Variants in PCDHA6 observed in about 807,000 individuals in gnomAD.
PCDHA6 encodes protocadherin alpha 6, also known as protocadherin alpha-6.
A neutral mutation model predicts 60.3 loss-of-function variants in PCDHA6; 55 were observed. The ratio of observed to expected loss-of-function variants is 0.91; its 90% confidence interval spans 0.73 to 1.14. The LOEUF is 1.14. Ranked by LOEUF, PCDHA6 falls within the 50% of genes most tolerant of loss-of-function variation. PCDHA6 has a pLI of 0.00. For synonymous variants in PCDHA6, 652 were observed against 557.9 expected, an observed-to-expected ratio of 1.17 and a Z score of -2.38; for missense variants, 1,327 against 1,256.5, an observed-to-expected ratio of 1.06 and a Z score of -0.85.
chr5:140,868,908 C>A, intron 1 of PCDHA6: 1 of 882,186 alleles, frequency 1.1e-6, no homozygotes, highest in Non-Finnish European at 1.7e-6. Context: ...TCGCTCTTTA[C>A]TTGGTGGAAA....
At chr5:140,954,722 G>A (rs1554221565) in intron 1 of PCDHA6, among the ~76,000 whole-genome samples, 1 of 152,092 alleles carries the variant, frequency 6.6e-6, no homozygotes, top group African/African-American at 2.4e-5. Context: ...TCTGTAGGTT[G>A]TCTTTTCACT....
intron 1 of PCDHA6, among the ~76,000 whole-genome samples, chr5:140,946,209 T>C (rs2153672553): frequency 6.6e-6 from 1 of 152,022 alleles, no homozygotes; most frequent in East Asian, 1.9e-4. Flanking sequence ...AGCACACAAA[T>C]GACCAACAGG....
chr5:140,830,150 G>GTTT lies in PCDHA6; in HGVS notation c.2059_2060insTTT (p.Ala687delinsValSer), dbSNP rs1770856321. 1 of 1,613,300 alleles carries GTTT rather than the reference G, an allele frequency of 6.2e-7. No individual in the cohort carries two copies. The highest frequency in any genetic ancestry group is 2.2e-5 in the East Asian group (1 of 44,886). ...GTCATCACGGGCGTCGGTGGGCGCC[G>GTTT]CGGGCCCAGAGGCGGCGCTGGTGGA... On this transcript the variant is annotated protein_altering_variant, in exon 1 of 4. Coordinates refer to ENST00000529310, the MANE Select transcript of PCDHA6 (RefSeq NM_018909.4).
rs1310141347 is a variant in PCDHA6, at chr5:140,970,963, T to C, written c.2395-7986T>C. ...TGCTGAGAAACCATGGGAGGCAGAT[T>C]GTAGATTAAGAAAAATGGGGGAATA... On this transcript the variant is annotated intron_variant, in intron 1 of 3. Coordinates refer to ENST00000529310, the MANE Select transcript of PCDHA6 (RefSeq NM_018909.4). Among the ~76,000 whole-genome samples, 41 of 152,180 alleles carry C rather than the reference T, an allele frequency of 2.7e-4. 1 individual carries two copies. Among genetic ancestry groups the C allele is most frequent in the Admixed American group, 2.7e-3 (41 of 15,274 alleles).
At chr5:140,990,395 G>A (rs916362624) in intron 3 of PCDHA6, among the ~76,000 whole-genome samples, 1 of 152,116 alleles carries the variant, frequency 6.6e-6, no homozygotes, top group Non-Finnish European at 1.5e-5. Flanking sequence ...GTTCCAAGAA[G>A]GTTCACCAGC....
chr5:140,875,349 C>T lies in PCDHA6; in HGVS notation c.2394+44864C>T, dbSNP rs113418307. The T allele has an allele frequency of 9.7e-4, 1,402 of 1,444,894 alleles. 9 individuals carry two copies. In the African/African-American group the frequency reaches 0.018, roughly 18 times the overall value. 89.5% of individuals were successfully genotyped at this position (1,444,894 alleles called of 1,614,324 possible). A position where few individuals can be genotyped will look rare whatever the true frequency, so the allele number is the denominator to read the frequency against. ...CGGAATAGGATCGACTCCATAATGA[C>T]TGTGATGCTGGAAAAAATTTACTAA... On this transcript the variant is annotated intron_variant, in intron 1 of 3. Coordinates refer to ENST00000529310, the MANE Select transcript of PCDHA6 (RefSeq NM_018909.4).
At chr5:140,875,934 A>T (rs782270710) in intron 1 of PCDHA6, 1 of 1,614,178 alleles carries the variant, frequency 6.2e-7, no homozygotes, top group Admixed American at 1.7e-5. Context: ...ATTTTCCTCT[A>T]GAGGGCGCTT....
Position 140,828,123 on chromosome 5 carries a change from A to T in PCDHA6, c.32A>T (p.Lys11Met). 2 of 1,613,042 alleles carry T rather than the reference A, an allele frequency of 1.2e-6. No homozygotes were observed. The change falls in exon 1 of 4, where the codon AAG becomes ATG. Residue 11 changes from lysine (K) to methionine (M), a missense_variant. By Grantham distance (95) the Lys-to-Met change is moderately conservative (BLOSUM62 -1). Transcript: ENST00000529310. Reference sequence around the variant, plus strand: ...TTTACCCCGGAGGATAGATTGGGAAAGCAATGTCTGCTCCTCCCGCTTCTG... The same window carrying T: ...TTTACCCCGGAGGATAGATTGGGAATGCAATGTCTGCTCCTCCCGCTTCTG... MVFTPEDRLG[K>M]QCLLLPLLLL... is the part of the protein sequence containing the mutation.
At chr5:140,876,298 G>T (rs1469744425) in intron 1 of PCDHA6, 3 of 1,613,970 alleles carry the variant, frequency 1.9e-6, no homozygotes, top group Non-Finnish European at 1.7e-6. Context: ...ACTTAATGGA[G>T]AAATTTCCTA....
chr5:140,855,900 C>G, intron 1 of PCDHA6: 1 of 1,079,358 alleles, frequency 9.3e-7, no homozygotes, highest in Non-Finnish European at 1.3e-6. Flanking sequence ...AGGCATCAGC[C>G]AGTTTCTCAA....
intron 1 of PCDHA6, among the ~76,000 whole-genome samples, chr5:140,942,479 A>G (rs1341688235): frequency 6.6e-6 from 1 of 152,154 alleles, no homozygotes; most frequent in East Asian, 1.9e-4. Flanking sequence ...TTCAAGCTAC[A>G]ACTGAAATAA....
At chr5:140,969,141 G>T in intron 1 of PCDHA6, 1 of 1,614,158 alleles carries the variant, frequency 6.2e-7, no homozygotes, top group Non-Finnish European at 8.5e-7. Context: ...AAGACCTACT[G>T]CTACAAGGCC....
intron 1 of PCDHA6, among the ~76,000 whole-genome samples, chr5:140,891,739 C>T (rs1433506044): frequency 4.6e-5 from 7 of 152,116 alleles, no homozygotes; most frequent in Non-Finnish European, 2.9e-5. Flanking sequence ...AATTCAATCC[C>T]TTATACAACA....
intron 1 of PCDHA6, among the ~76,000 whole-genome samples, chr5:140,964,638 A>T (rs1402541821): frequency 3.9e-5 from 6 of 152,098 alleles, no homozygotes; most frequent in Admixed American, 2.0e-4. Context: ...ATTTATTTTC[A>T]GAAACAAGTA....
rs2150243130 is a variant in PCDHA6 at position 140,835,724 on chromosome 5, C to G, written c.2394+5239C>G. The stretch of plus-strand genomic sequence containing the variant: ...CTAGCGTGTCCGTGGAGGTGGCCGA[C>G]GTGAACGACAACGCCCCGGCGTTCG... On this transcript the variant is annotated intron_variant, in intron 1 of 3. Coordinates refer to ENST00000529310, the MANE Select transcript of PCDHA6 (RefSeq NM_018909.4). 7 of 1,613,752 alleles carry G rather than the reference C, an allele frequency of 4.3e-6. No homozygotes were observed. The highest frequency in any genetic ancestry group is 2.2e-5 in the South Asian group (2 of 91,080).
rs59031154 is a variant in PCDHA6 at position 140,884,790 on chromosome 5, T to C, written c.2394+54305T>C. ...TTAATTTTAATTTTGCTAGTTGTTATCGAATTTAACAACTCTGCTGTGGAC... is the reference window on the plus strand; with the variant it reads ...TTAATTTTAATTTTGCTAGTTGTTACCGAATTTAACAACTCTGCTGTGGAC... On this transcript the variant is annotated intron_variant, in intron 1 of 3. Transcript: ENST00000529310. 1.6e-3 allele frequency: 2,209 copies of C among 1,352,036 alleles called. 33 individuals are homozygous for C. In the African/African-American group the frequency reaches 0.03, roughly 18 times the overall value. The allele number at this position is 1,352,036 out of a possible 1,614,324, so 83.8% of individuals were successfully genotyped here.
At chr5:140,964,227 G>A (rs1245581815) in intron 1 of PCDHA6, among the ~76,000 whole-genome samples, 1 of 152,222 alleles carries the variant, frequency 6.6e-6, no homozygotes, top group African/African-American at 2.4e-5. Context: ...CTTTCAAAAT[G>A]AGGCTGATTG....
At chr5:140,880,233 T>C (rs1040125802) in intron 1 of PCDHA6, among the ~76,000 whole-genome samples, 1 of 152,046 alleles carries the variant, frequency 6.6e-6, no homozygotes, top group African/African-American at 2.4e-5. Context: ...TTTAAATTAG[T>C]GTATGTGCGT....
At chr5:140,835,616 C>T in intron 1 of PCDHA6, 1 of 1,613,886 alleles carries the variant, frequency 6.2e-7, no homozygotes, top group East Asian at 2.2e-5. Context: ...TGCTGGACAG[C>T]GCTCTGGACC....
Sources: gnomAD v4.1 joint callset for allele counts (sites outside exome capture counted in the v4.1 genomes callset) on GRCh38, gnomAD v4.1.1 for gene constraint, MANE v1.5 for transcripts, NCBI Gene and HGNC (gene_info 2026-07-23, HGNC 2026-07-21) for gene names.